The following PTPRG variants were observed in gnomAD, a reference collection of about 807,000 sequenced individuals.
PTPRG encodes receptor-type tyrosine-protein phosphatase gamma.
Under a neutral mutation model 165.3 loss-of-function variants are expected in PTPRG, and 102 were observed. The observed-to-expected ratio is 0.62, with a 90% CI of 0.53 to 0.73. The LOEUF is 0.73. Among genes scored for constraint, PTPRG ranks in the 30% least tolerant of loss-of-function variants. The pLI, the probability that PTPRG is intolerant of heterozygous loss-of-function variation, is 0.00. For missense variants in PTPRG, 1,866 were observed against 1,861.4 expected (o/e 1.00, Z -0.05); for synonymous variants, 675 against 669.5 (o/e 1.01, Z -0.13).
At chr3:61,599,746 G>T (rs924773765) in intron 1 of PTPRG, among the ~76,000 whole-genome samples, 4 of 151,756 alleles carry the variant, frequency 2.6e-5, no homozygotes, top group African/African-American at 9.7e-5. Flanking sequence ...TGCACGCCTT[G>T]GCCTCCCAAA....
chr3:62,279,256 T>C (rs1228344328), intron 26 of PTPRG, among the ~76,000 whole-genome samples: 1 of 152,034 alleles, frequency 6.6e-6, no homozygotes, highest in Non-Finnish European at 1.5e-5. Flanking sequence ...TGCCCAGATA[T>C]CTTTGACCTA....
At chr3:61,971,403 T>G (rs1180127978) in intron 2 of PTPRG, among the ~76,000 whole-genome samples, 1 of 152,186 alleles carries the variant, frequency 6.6e-6, no homozygotes, top group Non-Finnish European at 1.5e-5. Context: ...AGAAAATCCT[T>G]TTCTCATTTT....
chr3:62,283,846 TAC>T (rs1034369928), intron 28 of PTPRG, among the ~76,000 whole-genome samples: 7 of 152,140 alleles, frequency 4.6e-5, no homozygotes, highest in African/African-American at 7.2e-5. Flanking sequence ...CAAAAAATTT[TAC>T]AGTCTTTCAA....
intron 2 of PTPRG, among the ~76,000 whole-genome samples, chr3:61,948,957 TTTC>T (rs2039830900): frequency 6.6e-6 from 1 of 151,936 alleles, no homozygotes; most frequent in African/African-American, 2.4e-5. Flanking sequence ...GAGAAAGGCA[TTTC>T]TTCTTCACTT....
At chr3:61,937,403 G>A (rs2039506888) in intron 2 of PTPRG, among the ~76,000 whole-genome samples, 1 of 152,108 alleles carries the variant, frequency 6.6e-6, no homozygotes, top group South Asian at 2.1e-4. Flanking sequence ...TCCCAGACAT[G>A]GAGTTACCAT....
chr3:61,606,315 G>T (rs1409909872), intron 1 of PTPRG, among the ~76,000 whole-genome samples: 1 of 152,188 alleles, frequency 6.6e-6, no homozygotes, highest in East Asian at 1.9e-4. Flanking sequence ...GTGGATGTTT[G>T]CTTCTCCAAG....
intron 8 of PTPRG, among the ~76,000 whole-genome samples, chr3:62,188,752 A>G (rs1363685911): frequency 1.3e-5 from 2 of 152,148 alleles, no homozygotes; most frequent in Non-Finnish European, 2.9e-5. Context: ...GTTCATTGCT[A>G]TTTGGAGCAG....
At position 62,254,546 on chromosome 3, in the gene PTPRG, T is replaced by C. The variant is rs977683799; in HGVS notation, c.2468-578T>C. ...CAGTCAAACTGATTATTTGGCATCA[T>C]GTAGACACAGCTGTCTTGAGCTAAA... On this transcript the variant is annotated intron_variant, in intron 15 of 29. Transcript: ENST00000474889. This position sits in a 1 kb window ranked among gnomAD's most constrained non-coding sequence, Gnocchi z 4.6. Among the ~76,000 whole-genome samples the C allele has an allele frequency of 6.6e-6, 1 of 152,184 alleles. No homozygotes were observed. Among genetic ancestry groups the C allele is most frequent in the Admixed American group, 6.5e-5 (1 of 15,282 alleles).
intron 2 of PTPRG, among the ~76,000 whole-genome samples, chr3:61,800,651 C>T (rs550716566): frequency 3.9e-4 from 57 of 147,306 alleles, no homozygotes; most frequent in Non-Finnish European, 6.4e-4. Flanking sequence ...GAACTGTGCA[C>T]GGTACTCTGT....
At chr3:61,827,568 A>C (rs1009889118) in intron 2 of PTPRG, among the ~76,000 whole-genome samples, 9 of 152,154 alleles carry the variant, frequency 5.9e-5, no homozygotes, top group Non-Finnish European at 1.3e-4. Flanking sequence ...CCTTCAGTCC[A>C]TGGAAATGCC....
At chr3:61,983,953 G>A (rs188061781) in intron 2 of PTPRG, among the ~76,000 whole-genome samples, 2 of 152,008 alleles carry the variant, frequency 1.3e-5, no homozygotes, top group African/African-American at 2.4e-5. Flanking sequence ...TATATGTGTC[G>A]ACCAAGTTCT....
intron 1 of PTPRG, among the ~76,000 whole-genome samples, chr3:61,690,714 G>C (rs2030143274): frequency 6.6e-6 from 1 of 152,118 alleles, no homozygotes; most frequent in Non-Finnish European, 1.5e-5. Context: ...ATGGTTTCTG[G>C]TAGTGACTCC....
chr3:61,639,765 C>T (rs1173116343), intron 1 of PTPRG, among the ~76,000 whole-genome samples: 3 of 152,058 alleles, frequency 2.0e-5, no homozygotes, highest in South Asian at 2.1e-4. Context: ...TTTTGTATCT[C>T]GAAACTTCAT....
intron 5 of PTPRG, among the ~76,000 whole-genome samples, chr3:62,081,885 C>A (rs138742793): frequency 6.6e-6 from 1 of 152,090 alleles, no homozygotes; most frequent in Non-Finnish European, 1.5e-5. Context: ...TATTGAAGAA[C>A]GGTTTGTCAT....
intron 1 of PTPRG, among the ~76,000 whole-genome samples, chr3:61,740,601 G>A (rs1213873354): frequency 6.6e-6 from 1 of 151,800 alleles, no homozygotes; most frequent in Non-Finnish European, 1.5e-5. Context: ...AATAATAGAG[G>A]ACTTCAGTAT....
chr3:61,924,741 T>C (rs2039164257), intron 2 of PTPRG, among the ~76,000 whole-genome samples: 1 of 152,202 alleles, frequency 6.6e-6, no homozygotes, highest in African/African-American at 2.4e-5. Context: ...GTTTTAGGCT[T>C]GTGAGGGTCA....
At chr3:61,998,518 C>T (rs2041093387) in intron 3 of PTPRG, among the ~76,000 whole-genome samples, 1 of 152,176 alleles carries the variant, frequency 6.6e-6, no homozygotes, top group African/African-American at 2.4e-5. Context: ...AGTGCATTAA[C>T]TTTCTCGTAA....
At chr3:61,952,456 CCTTCT>C (rs1449852332) in intron 2 of PTPRG, among the ~76,000 whole-genome samples, 1 of 152,082 alleles carries the variant, frequency 6.6e-6, no homozygotes, top group Non-Finnish European at 1.5e-5. Context: ...TCTGCAGGCC[CCTTCT>C]CTTCTCACTC....
intron 4 of PTPRG, among the ~76,000 whole-genome samples, chr3:62,029,335 A>AC (rs916205661): frequency 1.3e-5 from 2 of 152,156 alleles, no homozygotes; most frequent in African/African-American, 4.8e-5. Flanking sequence ...TCTCACTGTC[A>AC]CAAGCTTCAA....
Sources: allele counts gnomAD v4.1 joint callset (sites outside exome capture counted in the v4.1 genomes callset), GRCh38; gene constraint gnomAD v4.1.1; non-coding constraint Gnocchi (gnomAD v3.1); transcripts MANE v1.5; gene names NCBI Gene and HGNC (gene_info 2026-07-23, HGNC 2026-07-21).